The following HMGCLL1 variants were observed in gnomAD, a reference collection of about 807,000 sequenced individuals.
HMGCLL1 encodes the protein 3-hydroxymethyl-3-methylglutaryl-CoA lyase, cytoplasmic.
In HMGCLL1, 36 loss-of-function variants were observed where a neutral mutation model predicts 39.1. The observed-to-expected ratio is 0.92, with a 90% CI of 0.71 to 1.22. The LOEUF (loss-of-function observed/expected upper bound fraction) is 1.22, where lower values mean the gene tolerates loss of function less well. Among genes scored for constraint, HMGCLL1 ranks in the 50% most tolerant of loss-of-function variants. The pLI is 0.00. For missense variants in HMGCLL1, 451 were observed against 416.5 expected, an observed-to-expected ratio of 1.08 and a Z score of -0.72; for synonymous variants, 149 against 144.0, an observed-to-expected ratio of 1.03 and a Z score of -0.25.
intron 7 of HMGCLL1, among the ~76,000 whole-genome samples, chr6:55,447,142 G>C (rs1763887907): frequency 6.6e-6 from 1 of 151,764 alleles, no homozygotes; most frequent in Non-Finnish European, 1.5e-5. Context: ...TAGTTCAGTG[G>C]CCACGCTTAT....
the HMGCLL1 span, among the ~76,000 whole-genome samples, chr6:55,622,637 A>C: frequency 6.6e-6 from 1 of 151,988 alleles, no homozygotes; most frequent in African/African-American, 2.4e-5. Context: ...TGGTCTTTTT[A>C]ATGTGTTCTT....
chr6:55,673,054 G>C, the HMGCLL1 span, among the ~76,000 whole-genome samples: 1 of 151,980 alleles, frequency 6.6e-6, no homozygotes, highest in South Asian at 2.1e-4. Context: ...TCCCTTAGCA[G>C]AGGCCTTCAG....
the HMGCLL1 span, among the ~76,000 whole-genome samples, chr6:55,632,335 C>G: frequency 2.6e-5 from 4 of 151,508 alleles, no homozygotes; most frequent in Non-Finnish European, 5.9e-5. Context: ...TACAGCTACT[C>G]ATAATAAGCT....
the HMGCLL1 span, among the ~76,000 whole-genome samples, chr6:55,628,021 A>ATATATATAGTATATATACTATATATAT: frequency 1.3e-3 from 1 of 742 alleles, no homozygotes; most frequent in Non-Finnish European, 1.8e-3. Context: ...TATATATATA[A>ATATATATAGTATATATACTATATATAT]TATATATATA....
At chr6:55,477,237 A>G (rs1403680644) in intron 7 of HMGCLL1, among the ~76,000 whole-genome samples, 1 of 12,228 alleles carries the variant, frequency 8.2e-5, no homozygotes, top group Non-Finnish European at 1.2e-4. Context: ...AATATATATT[A>G]TATTTATATA....
chr6:55,452,662 T>C (rs1168952145), intron 7 of HMGCLL1, among the ~76,000 whole-genome samples: 1 of 152,200 alleles, frequency 6.6e-6, no homozygotes, highest in Non-Finnish European at 1.5e-5. Flanking sequence ...AGATTCAGAA[T>C]CAGGTAAAAA....
At chr6:55,551,847 C>A (rs1042437823) in intron 1 of HMGCLL1, among the ~76,000 whole-genome samples, 4 of 151,938 alleles carry the variant, frequency 2.6e-5, no homozygotes, top group East Asian at 1.9e-4. Context: ...CTTTTCTGTA[C>A]CTGAAAGAAA....
chr6:55,507,892 C>T (rs1031399665), intron 5 of HMGCLL1, among the ~76,000 whole-genome samples: 1 of 151,746 alleles, frequency 6.6e-6, no homozygotes, highest in Non-Finnish European at 1.5e-5. Context: ...CTAATCTTGC[C>T]TTTTTCATAT....
chr6:55,586,606 C>T, the HMGCLL1 span, among the ~76,000 whole-genome samples: 1 of 148,846 alleles, frequency 6.7e-6, no homozygotes, highest in Non-Finnish European at 1.5e-5. Context: ...CATGTGTTCT[C>T]CTTGTTCAAT....
At chr6:55,477,367 TA>T (rs1166744188) in intron 7 of HMGCLL1, among the ~76,000 whole-genome samples, 1 of 30,204 alleles carries the variant, frequency 3.3e-5, no homozygotes, top group Non-Finnish European at 5.2e-5. Flanking sequence ...TATATTATAT[TA>T]ATATAATATA....
At chr6:55,618,152 G>T in the HMGCLL1 span, among the ~76,000 whole-genome samples, 4 of 152,030 alleles carry the variant, frequency 2.6e-5, no homozygotes, top group Non-Finnish European at 5.9e-5. Flanking sequence ...TAAAAATCAG[G>T]ATAATGGGAA....
the HMGCLL1 span, among the ~76,000 whole-genome samples, chr6:55,590,294 A>T: frequency 6.6e-6 from 1 of 151,906 alleles, no homozygotes; most frequent in Non-Finnish European, 1.5e-5. Flanking sequence ...TAAAAAAAAA[A>T]TGGGGAAAGG....
Position 55,570,386 on chromosome 6 carries a change from G to A in HMGCLL1, c.108+8562C>T, listed in dbSNP as rs191342463. ...CCTGTAACCCTCTCAAGGAGAGCCT[G>A]CTTAGTCTCCTATTCTTTGCTTAGA... On this transcript the variant is annotated intron_variant, in intron 1 of 8. Coordinates refer to ENST00000274901, the MANE Select transcript of HMGCLL1 (RefSeq NM_001042406.2). 1.9e-3 allele frequency among the ~76,000 whole-genome samples: 284 copies of A among 152,234 alleles called. 1 individual carries two copies. The highest frequency in any genetic ancestry group is 3.3e-3 in the East Asian group (17 of 5,178).
the HMGCLL1 span, among the ~76,000 whole-genome samples, chr6:55,634,962 T>G: frequency 6.6e-6 from 1 of 152,160 alleles, no homozygotes; most frequent in South Asian, 2.1e-4. Context: ...ACACTCATCT[T>G]GATTTTTCAA....
intron 7 of HMGCLL1, among the ~76,000 whole-genome samples, chr6:55,482,449 C>T (rs1765796869): frequency 6.6e-6 from 1 of 152,100 alleles, no homozygotes; most frequent in South Asian, 2.1e-4. Flanking sequence ...CCCCTTACAG[C>T]TGAAGTGGGT....
At chr6:55,628,994 A>G in the HMGCLL1 span, among the ~76,000 whole-genome samples, 1 of 152,146 alleles carries the variant, frequency 6.6e-6, no homozygotes, top group Non-Finnish European at 1.5e-5. Flanking sequence ...AAACAGACTA[A>G]TACAGTAAAT....
chr6:55,496,710 G>A (rs114808916), intron 6 of HMGCLL1, among the ~76,000 whole-genome samples: 5,799 of 152,126 alleles, frequency 0.038, 368 homozygotes, highest in African/African-American at 0.13. Context: ...GCAGAAAAAA[G>A]TCATGACATG....
chr6:55,467,012 A>G (rs1764822777), intron 7 of HMGCLL1, among the ~76,000 whole-genome samples: 1 of 152,078 alleles, frequency 6.6e-6, no homozygotes, highest in Admixed American at 6.6e-5. Context: ...AGTTACCATT[A>G]TCTTGAACTT....
chr6:55,669,319 A>G, the HMGCLL1 span, among the ~76,000 whole-genome samples: 1 of 151,804 alleles, frequency 6.6e-6, no homozygotes, highest in African/African-American at 2.4e-5. Context: ...AATTAAACTG[A>G]CTTTGGAAAC....
Sources: allele counts gnomAD v4.1 joint callset (sites outside exome capture counted in the v4.1 genomes callset), GRCh38; gene constraint gnomAD v4.1.1; transcripts MANE v1.5; gene names NCBI Gene and HGNC (gene_info 2026-07-23, HGNC 2026-07-21).